FAAH2: variants seen among roughly 807,000 people sequenced by gnomAD.
FAAH2 encodes the protein fatty-acid amide hydrolase 2.
A neutral mutation model predicts 36.9 loss-of-function variants in FAAH2; 60 were observed. That is an observed-to-expected ratio of 1.63 (90% CI 1.32 to 2.02). The LOEUF is 2.02. Among genes scored for constraint, FAAH2 ranks in the 30% most tolerant of loss-of-function variants. The probability of loss-of-function intolerance (pLI) is 0.00; values close to 1 mark genes in which losing one functional copy is unlikely to be tolerated. For synonymous variants in FAAH2, 214 were observed against 143.8 expected (o/e 1.49, Z -3.49); for missense variants, 689 against 397.5 (o/e 1.73, Z -6.23).
At chrX:57,350,596 A>AT (rs1171491013) in intron 5 of FAAH2, among the ~76,000 whole-genome samples, 2 of 111,273 alleles carry the variant, frequency 1.8e-5, no homozygotes, top group Admixed American at 1.9e-4. Flanking sequence ...ATCTAACCAA[A>AT]TTCTTCTTAC....
At chrX:57,205,592 C>T in the FAAH2 span, among the ~76,000 whole-genome samples, 3,430 of 112,039 alleles carry the variant, frequency 0.031, 114 homozygotes, top group African/African-American at 0.11. Flanking sequence ...CAGGTACAAG[C>T]TCTGCTTTTT....
chrX:57,387,673 G>A (rs1237270347), intron 7 of FAAH2, among the ~76,000 whole-genome samples: 2 of 111,443 alleles, frequency 1.8e-5, no homozygotes, highest in African/African-American at 6.5e-5. Flanking sequence ...CCCTGTCACT[G>A]GGATTACAAA....
chrX:57,341,362 T>C lies in FAAH2; in HGVS notation c.714T>C (p.Asn238=), dbSNP rs1319144806. The C allele has an allele frequency of 3.6e-5, 44 of 1,208,603 alleles. No individual in the cohort carries two copies. The Admixed American group carries it at 9.4e-4, about 26-fold the overall frequency. ...GGSIRMPAFF[N]GIFGHKPSPG... ...GCATTCGAATGCCTGCTTTCTTCAA[T>C]GGTATATTTGGACACAAGCCTTCTC... Residue 238 remains asparagine (N), a synonymous_variant, in exon 5 of 11, where the codon AAT becomes AAC. Transcript: ENST00000374900.
At chrX:57,486,623 C>G (rs994396326) in intron 10 of FAAH2, among the ~76,000 whole-genome samples, 1 of 111,439 alleles carries the variant, frequency 9.0e-6, no homozygotes, top group African/African-American at 3.3e-5. Context: ...TGCTGGTACT[C>G]CCAATGTTTG....
the FAAH2 span, among the ~76,000 whole-genome samples, chrX:57,216,616 ATATATACG>A: frequency 2.4e-5 from 2 of 82,820 alleles, no homozygotes; most frequent in African/African-American, 8.2e-5. Context: ...ATACGTATAT[ATATATACG>A]TATATATATA....
intron 10 of FAAH2, among the ~76,000 whole-genome samples, chrX:57,451,109 A>T (rs2056775611): frequency 8.9e-6 from 1 of 111,829 alleles, no homozygotes; most frequent in Non-Finnish European, 1.9e-5. Context: ...CATAGCTAAG[A>T]TAATATACGA....
At chrX:57,465,881 A>T (rs1268549959) in intron 10 of FAAH2, among the ~76,000 whole-genome samples, 1 of 110,328 alleles carries the variant, frequency 9.1e-6, no homozygotes, top group African/African-American at 3.3e-5. Flanking sequence ...AATGTAATAT[A>T]TATGACAGCA....
the FAAH2 span, among the ~76,000 whole-genome samples, chrX:57,172,168 T>C: frequency 1.8e-5 from 2 of 112,324 alleles, no homozygotes; most frequent in African/African-American, 3.2e-5. Flanking sequence ...GTAGTACAAT[T>C]TGAAGTCAGG....
intron 10 of FAAH2, among the ~76,000 whole-genome samples, chrX:57,474,591 C>T (rs930486137): frequency 4.5e-5 from 5 of 111,961 alleles, no homozygotes; most frequent in South Asian, 3.7e-4. Flanking sequence ...GCCATGTTTT[C>T]TTTACCTAGT....
At chrX:57,469,748 C>T (rs189598448) in intron 10 of FAAH2, among the ~76,000 whole-genome samples, 120 of 111,719 alleles carry the variant, frequency 1.1e-3, no homozygotes, top group Admixed American at 5.7e-3. Context: ...ACCAAGCGGA[C>T]CTAATAGACA....
At chrX:57,463,713 ACCCCAG>A (rs2057000167) in intron 10 of FAAH2, among the ~76,000 whole-genome samples, 1 of 111,905 alleles carries the variant, frequency 8.9e-6, no homozygotes, top group Non-Finnish European at 1.9e-5. Flanking sequence ...ATACCATCTC[ACCCCAG>A]TTAGAATGGT....
chrX:57,372,989 C>A (rs1265344015), intron 5 of FAAH2, among the ~76,000 whole-genome samples: 2 of 111,261 alleles, frequency 1.8e-5, no homozygotes, highest in African/African-American at 6.5e-5. Flanking sequence ...GTTTTTCATT[C>A]CTGAGTTACT....
At chrX:57,281,816 A>T (rs1482535167), upstream of FAAH2, among the ~76,000 whole-genome samples, 1 of 111,357 alleles carries the variant, frequency 9.0e-6, no homozygotes, top group Non-Finnish European at 1.9e-5. Context: ...GAGAACATGC[A>T]GTATTTGGTT....
chrX:57,127,105 G>T, the FAAH2 span: 1 of 111,160 alleles, frequency 9.0e-6, no homozygotes, highest in Non-Finnish European at 1.9e-5. Context: ...TGGGTTTTCT[G>T]TTACTTGCAG....
At chrX:57,387,627 G>C (rs2055059162) in intron 7 of FAAH2, among the ~76,000 whole-genome samples, 2 of 111,253 alleles carry the variant, frequency 1.8e-5, no homozygotes, top group Admixed American at 9.6e-5. Context: ...TTTATAGCTT[G>C]AGTTGTTGGT....
chrX:57,461,211 C>T (rs778131879), intron 10 of FAAH2, among the ~76,000 whole-genome samples: 2 of 110,763 alleles, frequency 1.8e-5, no homozygotes, highest in East Asian at 2.9e-4. Context: ...TAGTGGGAGA[C>T]TTTAACACCC....
chrX:57,382,486 A>T (rs1486417376), intron 7 of FAAH2, among the ~76,000 whole-genome samples: 1 of 111,949 alleles, frequency 8.9e-6, no homozygotes, highest in Non-Finnish European at 1.9e-5. Flanking sequence ...AAAAATTATG[A>T]AGGGGATATC....
At chrX:57,219,863 CTTTTTTTTTTTTTTT>C in the FAAH2 span, among the ~76,000 whole-genome samples, 3 of 35,640 alleles carry the variant, frequency 8.4e-5, no homozygotes, top group Admixed American at 3.8e-4. Flanking sequence ...AGCGCCTTGT[CTTTTTTTTTTTTTTT>C]TTTTTTTTTT....
chrX:57,296,378 T>A (rs1286799186), intron 2 of FAAH2, among the ~76,000 whole-genome samples: 1 of 111,835 alleles, frequency 8.9e-6, no homozygotes, highest in Admixed American at 9.4e-5. Flanking sequence ...CCAACAGACC[T>A]GCAGCTGAGG....
Sources: allele counts gnomAD v4.1 joint callset (sites outside exome capture counted in the v4.1 genomes callset), GRCh38; gene constraint gnomAD v4.1.1; transcripts MANE v1.5; gene names NCBI Gene and HGNC (gene_info 2026-07-23, HGNC 2026-07-21).